The following ANKRD33B variants were observed in gnomAD, a reference collection of about 807,000 sequenced individuals.
ANKRD33B encodes ankyrin repeat domain 33B, also known as ankyrin repeat domain-containing protein 33B.
A neutral mutation model predicts 21.5 loss-of-function variants in ANKRD33B; 6 were observed. The observed-to-expected ratio is 0.28, with a 90% CI of 0.15 to 0.55. The LOEUF is 0.55. Ranked by LOEUF, ANKRD33B falls within the 20% of genes least tolerant of loss-of-function variation. ANKRD33B has a pLI of 0.94. For synonymous variants in ANKRD33B, 347 were observed against 342.4 expected (o/e 1.01, Z -0.15); for missense variants, 698 against 747.2 (o/e 0.93, Z 0.77).
chr5:10,635,165 A>G (rs544723337), intron 2 of ANKRD33B, among the ~76,000 whole-genome samples: 2 of 152,208 alleles, frequency 1.3e-5, no homozygotes, highest in African/African-American at 2.4e-5. Context: ...TGCTGAGGAT[A>G]TATCAGTGCA....
At chr5:10,581,006 G>A (rs1735432783) in intron 1 of ANKRD33B, among the ~76,000 whole-genome samples, 1 of 151,864 alleles carries the variant, frequency 6.6e-6, no homozygotes, top group South Asian at 2.1e-4. Context: ...TGGGTCCCAT[G>A]TCCTCGTCCT....
Position 10,564,838 on chromosome 5 carries a change from G to A in ANKRD33B, c.366+5G>A. ...GAGACTGACCGCAACGGCAGGGTAA[G>A]CGGGCGTCCCCGCAGGATTTGAGCC... On this transcript the variant is annotated splice_donor_5th_base_variant and intron_variant, in intron 1 of 3. Transcript: ENST00000296657. 3.3e-6 allele frequency: 5 copies of A among 1,492,638 alleles called. No individual in the cohort carries two copies. The highest frequency in any genetic ancestry group is 4.5e-6 in the Non-Finnish European group (5 of 1,121,696). The allele number at this position is 1,492,638 out of a possible 1,614,324, so 92.5% of individuals were successfully genotyped here.
At chr5:10,592,377 C>T (rs566122604) in intron 1 of ANKRD33B, among the ~76,000 whole-genome samples, 68 of 148,498 alleles carry the variant, frequency 4.6e-4, no homozygotes, top group Middle Eastern at 7.0e-3. Flanking sequence ...CTTTGGGAGG[C>T]CAGGGCGGGC....
chr5:10,646,836 T>G (rs1400175652), intron 3 of ANKRD33B, among the ~76,000 whole-genome samples: 1 of 152,230 alleles, frequency 6.6e-6, no homozygotes, highest in East Asian at 1.9e-4. Context: ...ACTAAGATCC[T>G]TACCAGGCAA....
At chr5:10,569,870 T>G (rs1430647249) in intron 1 of ANKRD33B, among the ~76,000 whole-genome samples, 1 of 151,926 alleles carries the variant, frequency 6.6e-6, no homozygotes, top group Non-Finnish European at 1.5e-5. Context: ...TGTTTTTTGT[T>G]TGTTTGTTTT....
intron 1 of ANKRD33B, among the ~76,000 whole-genome samples, chr5:10,579,228 A>G (rs976150014): frequency 6.6e-6 from 1 of 150,604 alleles, no homozygotes; most frequent in East Asian, 1.9e-4. Context: ...AATCTGGTAG[A>G]GGGACCTTGA....
chr5:10,585,702 G>A (rs778942874), intron 1 of ANKRD33B, among the ~76,000 whole-genome samples: 2 of 152,212 alleles, frequency 1.3e-5, no homozygotes, highest in East Asian at 1.9e-4. Context: ...GACAATGCCC[G>A]GGCCCAGGTG....
chr5:10,626,566 C>T (rs746426655), intron 2 of ANKRD33B, among the ~76,000 whole-genome samples: 7 of 152,186 alleles, frequency 4.6e-5, no homozygotes, highest in South Asian at 2.1e-4. Context: ...AAGACATCTG[C>T]GGGCGATGTT....
At chr5:10,587,224 A>G (rs1277160255) in intron 1 of ANKRD33B, among the ~76,000 whole-genome samples, 1 of 152,194 alleles carries the variant, frequency 6.6e-6, no homozygotes, top group African/African-American at 2.4e-5. Flanking sequence ...CATGTTGGCC[A>G]GGTTGATCTC....
At chr5:10,622,478 C>T (rs549962150) in intron 2 of ANKRD33B, among the ~76,000 whole-genome samples, 10 of 152,300 alleles carry the variant, frequency 6.6e-5, no homozygotes, top group Admixed American at 3.9e-4. Context: ...TATTCAAAAA[C>T]GCGGTTAAAT....
At chr5:10,586,515 GTGTGTGTGTGTGTGTGTGTA>G (rs1371322370) in intron 1 of ANKRD33B, among the ~76,000 whole-genome samples, 1 of 144,456 alleles carries the variant, frequency 6.9e-6, no homozygotes, top group African/African-American at 2.5e-5. Context: ...GTGTGTGTGT[GTGTGTGTGTGTGTGTGTGTA>G]TACTGCTTTC....
At chr5:10,573,081 T>TTCACTTCTACCTCAATTTCTGTATC (rs1343693357) in intron 1 of ANKRD33B, among the ~76,000 whole-genome samples, 1 of 152,226 alleles carries the variant, frequency 6.6e-6, no homozygotes, top group Non-Finnish European at 1.5e-5. Context: ...GACATGGGAT[T>TTCACTTCTACCTCAATTTCTGTATC]TCACTTCTAC....
intron 2 of ANKRD33B, chr5:10,627,836 A>C (rs1736611818): frequency 6.6e-6 from 1 of 151,996 alleles, no homozygotes; most frequent in Admixed American, 6.6e-5. Context: ...AGCTCTTCTG[A>C]TTGGCCATGG....
chr5:10,629,934 G>A (rs909661749), intron 2 of ANKRD33B, among the ~76,000 whole-genome samples: 1 of 152,176 alleles, frequency 6.6e-6, no homozygotes, highest in African/African-American at 2.4e-5. Flanking sequence ...GAAGGTCACT[G>A]GGGACTGCTG....
At chr5:10,647,038 G>C (rs778312338) in intron 3 of ANKRD33B, among the ~76,000 whole-genome samples, 1 of 152,234 alleles carries the variant, frequency 6.6e-6, no homozygotes, top group Non-Finnish European at 1.5e-5. Context: ...TCACAGACTA[G>C]ATAATTGCCC....
chr5:10,648,760 G>A (rs974361007), intron 3 of ANKRD33B, among the ~76,000 whole-genome samples: 2 of 150,244 alleles, frequency 1.3e-5, no homozygotes, highest in African/African-American at 4.9e-5. Context: ...ATTCTGTCTC[G>A]AAAAAAAAAA....
At chr5:10,600,468 C>T (rs1299901312) in intron 1 of ANKRD33B, among the ~76,000 whole-genome samples, 1 of 152,196 alleles carries the variant, frequency 6.6e-6, no homozygotes, top group Non-Finnish European at 1.5e-5. Context: ...GCATGAGATC[C>T]ACTGGCATTG....
At chr5:10,590,087 G>T (rs971118165) in intron 1 of ANKRD33B, among the ~76,000 whole-genome samples, 3 of 150,484 alleles carry the variant, frequency 2.0e-5, no homozygotes, top group African/African-American at 7.4e-5. Flanking sequence ...TAAAATTTTT[G>T]ATTCTTTATT....
At chr5:10,622,443 A>G (rs184116570) in intron 2 of ANKRD33B, among the ~76,000 whole-genome samples, 120 of 118,066 alleles carry the variant, frequency 1.0e-3, no homozygotes, top group African/African-American at 3.1e-3. Context: ...ATATTCTACC[A>G]AAAGTTATTG....
Sources: allele counts gnomAD v4.1 joint callset (sites outside exome capture counted in the v4.1 genomes callset), GRCh38; gene constraint gnomAD v4.1.1; transcripts MANE v1.5; gene names NCBI Gene and HGNC (gene_info 2026-07-23, HGNC 2026-07-21).